SFI1: variants seen among roughly 807,000 people sequenced by gnomAD.
SFI1 encodes the protein SFI1 centrin binding protein.
In SFI1, 195 loss-of-function variants were observed where a neutral mutation model predicts 207.5. The observed-to-expected ratio is 0.94, with a 90% CI of 0.84 to 1.06. The LOEUF (loss-of-function observed/expected upper bound fraction) is 1.06. Among genes scored for constraint, SFI1 ranks in the 50% least tolerant of loss-of-function variants. The pLI is 0.00. For missense variants in SFI1, 1,634 were observed against 1,588.0 expected, an observed-to-expected ratio of 1.03 and a Z score of -0.49; for synonymous variants, 630 against 598.9, an observed-to-expected ratio of 1.05 and a Z score of -0.76.
rs1555984037 is a variant in SFI1 at position 31,545,584 on chromosome 22, A to ATTTTATTTAATTTT, written c.339-1277_339-1276insTTTTATTTAATTTT. Among the ~76,000 whole-genome samples, 484 of 144,968 alleles carry ATTTTATTTAATTTT rather than the reference A, an allele frequency of 3.3e-3. 5 individuals carry two copies. Among genetic ancestry groups the ATTTTATTTAATTTT allele is most frequent in the African/African-American group, 0.011 (456 of 40,120 alleles). On this transcript the variant is annotated intron_variant, in intron 4 of 32. Transcript: ENST00000400288. ...AATTTAATTTAATTTAATTTAATTT[A>ATTTTATTTAATTTT]ATTTTATTTTATTTTGAGACGAAGT...
chr22:31,496,777 G>T (rs1368434207), intron 1 of SFI1, 140 bp downstream of exon 1: 1 of 152,274 alleles, frequency 6.6e-6, no homozygotes, highest in Non-Finnish European at 1.5e-5. Flanking sequence ...GAAAGTGCAG[G>T]TGATGTTGTC....
At chr22:31,599,039 G>T (rs1372208778) in intron 15 of SFI1, among the ~76,000 whole-genome samples, 1 of 151,204 alleles carries the variant, frequency 6.6e-6, no homozygotes, top group Non-Finnish European at 1.5e-5. Flanking sequence ...TGATCCGCCC[G>T]CCTCGGCCTC....
At chr22:31,606,012 A>G (rs546203924) in intron 20 of SFI1, 36 of 311,256 alleles carry the variant, frequency 1.2e-4, no homozygotes, top group South Asian at 5.3e-4. Flanking sequence ...GTCTCTCCAC[A>G]CTTCTCTTAT....
At chr22:31,505,420 C>T (rs552496424) in intron 1 of SFI1, among the ~76,000 whole-genome samples, 1 of 145,868 alleles carries the variant, frequency 6.9e-6, no homozygotes, top group Admixed American at 7.0e-5. Context: ...GCCTGGGCAA[C>T]AGAGCGAGAC....
At chr22:31,562,453 A>T (rs897557130) in intron 8 of SFI1, among the ~76,000 whole-genome samples, 3 of 151,810 alleles carry the variant, frequency 2.0e-5, no homozygotes, top group African/African-American at 7.3e-5. Context: ...AAAAAAAAAA[A>T]AAGAAGTAGA....
At chr22:31,501,091 C>T (rs2053682668) in intron 1 of SFI1, among the ~76,000 whole-genome samples, 1 of 151,768 alleles carries the variant, frequency 6.6e-6, no homozygotes, top group African/African-American at 2.4e-5. Context: ...GCCACTGTGC[C>T]CGGCCAAATA....
At chr22:31,499,040 T>C (rs1261694538) in intron 1 of SFI1, among the ~76,000 whole-genome samples, 1 of 151,802 alleles carries the variant, frequency 6.6e-6, no homozygotes, top group Non-Finnish European at 1.5e-5. Context: ...GACAGGGTCT[T>C]GTTCTGTTGT....
At chr22:31,554,027 G>A (rs1281347927) in intron 6 of SFI1, among the ~76,000 whole-genome samples, 2 of 150,618 alleles carry the variant, frequency 1.3e-5, no homozygotes, top group Non-Finnish European at 3.0e-5. Flanking sequence ...TACAGAGATG[G>A]GGGTCTTGCT....
intron 15 of SFI1, among the ~76,000 whole-genome samples, chr22:31,600,962 C>T (rs1487082655): frequency 2.0e-5 from 3 of 152,174 alleles, no homozygotes; most frequent in South Asian, 2.1e-4. Flanking sequence ...CAAGATCCCC[C>T]AGTGCTGAAC....
Position 31,602,194 on chromosome 22 carries a change from T to C in SFI1, c.1545-18T>C. ...TTATGTTTGTTTTAAGTGCTTTACATTCTTCCTTGTTTTTTAGGGAGACAT... is the reference window on the plus strand; with the variant it reads ...TTATGTTTGTTTTAAGTGCTTTACACTCTTCCTTGTTTTTTAGGGAGACAT... On this transcript the variant is annotated intron_variant, in intron 15 of 32. Transcript: ENST00000400288. 6.2e-7 allele frequency: 1 copy of C among 1,601,988 alleles called. No homozygotes were observed. The highest frequency in any genetic ancestry group is 8.6e-7 in the Non-Finnish European group (1 of 1,168,842).
chr22:31,565,787 T>C (rs920722347), intron 8 of SFI1, among the ~76,000 whole-genome samples: 1 of 152,180 alleles, frequency 6.6e-6, no homozygotes, highest in Non-Finnish European at 1.5e-5. Context: ...TGCAACTTGT[T>C]TTTTTAGTGC....
At chr22:31,499,104 C>T (rs757833132) in intron 1 of SFI1, among the ~76,000 whole-genome samples, 5 of 151,996 alleles carry the variant, frequency 3.3e-5, no homozygotes, top group Non-Finnish European at 5.9e-5. Flanking sequence ...AACTTCTAGG[C>T]GAAAGTGATC....
At chr22:31,582,582 C>T (rs1385791843) in intron 12 of SFI1, among the ~76,000 whole-genome samples, 29 of 152,004 alleles carry the variant, frequency 1.9e-4, no homozygotes, top group Admixed American at 1.9e-3. Context: ...GTAAAAGATA[C>T]ATCACTTAAA....
intron 32 of SFI1, 23 bp downstream of exon 32, chr22:31,618,249 G>C (rs563464743): frequency 1.3e-6 from 2 of 1,597,164 alleles, no homozygotes; most frequent in African/African-American, 1.3e-5. Flanking sequence ...GCCATCCCCA[G>C]GTGTCCCTGG....
Position 31,608,031 on chromosome 22 carries a change from G to A in SFI1, c.2252G>A (p.Arg751Lys). 6.2e-7 allele frequency: 1 copy of A among 1,613,516 alleles called. No individual in the cohort carries two copies. ...TGGGAGGCCCAGAAGGTGCTGGACAGGGGTAAGTGGGGCCCCAGAAGCAAG... is the reference window on the plus strand; with the variant it reads ...TGGGAGGCCCAGAAGGTGCTGGACAAGGGTAAGTGGGGCCCCAGAAGCAAG... ...AIWEAQKVLD[R>K]GCLRTWFQRW... The change falls in exon 22 of 33, where the codon AGG becomes AAG. Residue 751 changes from arginine to lysine, a missense_variant and splice_region_variant. Arg to Lys is a conservative substitution (Grantham distance 26). Transcript: ENST00000400288.
In SFI1 at chr22:31,578,377, G is replaced by A. The variant is rs755605797; in HGVS notation, c.1085-5G>A. Reference sequence around the variant, plus strand: ...TTGGGACTGGAGGCCTTCACTTCCTGGCAGACATGCTGCTGTGTGCAGAAG... The same window carrying A: ...TTGGGACTGGAGGCCTTCACTTCCTAGCAGACATGCTGCTGTGTGCAGAAG... On this transcript the variant is annotated splice_polypyrimidine_tract_variant and splice_region_variant and intron_variant, in intron 10 of 32. Transcript: ENST00000400288. 6.2e-7 allele frequency: 1 copy of A among 1,612,622 alleles called. No individual in the cohort carries two copies. The highest frequency in any genetic ancestry group is 2.2e-5 in the East Asian group (1 of 44,856).
Position 31,602,695 on chromosome 22 carries a change from G to T in SFI1, c.1715G>T (p.Trp572Leu), listed in dbSNP as rs1267509202. 6.2e-6 allele frequency: 10 copies of T among 1,614,102 alleles called. No homozygotes were observed. The Middle Eastern group carries it at 8.2e-4, about 133-fold the overall frequency. ...GCAGCACGTCACCAGGAGCAGGAGT[G>T]GCAAACAGTGGCCTGTGCCCACCAC... Reference protein sequence around the residue: ...QAAARHQEQEWQTVACAHHRH... With the variant: ...QAAARHQEQELQTVACAHHRH... The change falls in exon 17 of 33, where the codon TGG becomes TTG. Residue 572 changes from tryptophan (W) to leucine (L), a missense_variant. Coordinates refer to ENST00000400288, the MANE Select transcript of SFI1 (RefSeq NM_001007467.3).
intron 7 of SFI1, chr22:31,559,711 C>T: frequency 1.2e-6 from 1 of 842,748 alleles, no homozygotes; most frequent in Non-Finnish European, 2.0e-6. Flanking sequence ...CATGCCAGTA[C>T]AAGATCCCAG....
chr22:31,538,177 G>A (rs930084953), intron 4 of SFI1, among the ~76,000 whole-genome samples: 22 of 151,644 alleles, frequency 1.5e-4, no homozygotes, highest in African/African-American at 5.3e-4. Flanking sequence ...TCACCATGTT[G>A]GTCTCGAACT....
Sources: allele counts gnomAD v4.1 joint callset (sites outside exome capture counted in the v4.1 genomes callset), GRCh38; gene constraint gnomAD v4.1.1; transcripts MANE v1.5; gene names NCBI Gene and HGNC (gene_info 2026-07-23, HGNC 2026-07-21).